SIPA1L3: variants seen among roughly 807,000 people sequenced by gnomAD.
SIPA1L3 encodes signal-induced proliferation-associated 1-like protein 3.
Under a neutral mutation model 150.1 loss-of-function variants are expected in SIPA1L3, and 59 were observed. The observed-to-expected ratio is 0.39, with a 90% CI of 0.32 to 0.49. SIPA1L3 has a LOEUF of 0.49. SIPA1L3 is among the 20% of genes least tolerant of loss of function. The pLI is 0.86. For missense variants in SIPA1L3, 2,211 were observed against 2,489.5 expected, an observed-to-expected ratio of 0.89 and a Z score of 2.38; for synonymous variants, 1,070 against 1,077.6, an observed-to-expected ratio of 0.99 and a Z score of 0.14.
At chr19:38,072,531 C>T (rs117035214) in intron 2 of SIPA1L3, among the ~76,000 whole-genome samples, 53 of 152,348 alleles carry the variant, frequency 3.5e-4, no homozygotes, top group African/African-American at 9.4e-4. Flanking sequence ...CCCATGGTTA[C>T]GAGACAGCTG....
chr19:38,177,792 G>A lies in SIPA1L3; in HGVS notation c.4209-4727G>A, dbSNP rs529601025. Among the ~76,000 whole-genome samples, 19 of 152,254 alleles carry A rather than the reference G, an allele frequency of 1.2e-4. No homozygotes were observed. The East Asian group carries it at 1.9e-3, about 15-fold the overall frequency. Reference sequence around the variant, plus strand: ...TGTGATCCCAGCACCTTGGGAGGTCGAGGCAGGTGGATCACTTGAGGCCAG... The same window carrying A: ...TGTGATCCCAGCACCTTGGGAGGTCAAGGCAGGTGGATCACTTGAGGCCAG... On this transcript the variant is annotated intron_variant, in intron 15 of 21. Coordinates refer to ENST00000222345, the MANE Select transcript of SIPA1L3 (RefSeq NM_015073.3).
chr19:37,950,474 A>G (rs985086289), intron 1 of SIPA1L3, among the ~76,000 whole-genome samples: 1 of 152,146 alleles, frequency 6.6e-6, no homozygotes, highest in African/African-American at 2.4e-5. Context: ...CGTAGTAAGG[A>G]CAAGAAAGAG....
intron 2 of SIPA1L3, among the ~76,000 whole-genome samples, chr19:38,050,920 G>A (rs1969182381): frequency 6.6e-6 from 1 of 152,114 alleles, no homozygotes; most frequent in Admixed American, 6.6e-5. Context: ...TTAGCCCGGT[G>A]TGGTGGCACA....
chr19:38,142,835 G>T, intron 12 of SIPA1L3, 125 bp downstream of exon 12: 1 of 1,220,232 alleles, frequency 8.2e-7, no homozygotes, highest in Non-Finnish European at 1.1e-6. Context: ...ACCCCTGAAG[G>T]TCCTCAGAGG....
chr19:37,944,993 T>G (rs1375008919), intron 1 of SIPA1L3, among the ~76,000 whole-genome samples: 1 of 152,132 alleles, frequency 6.6e-6, no homozygotes, highest in Non-Finnish European at 1.5e-5. Flanking sequence ...CACCTCACCT[T>G]TCAAACATCA....
intron 1 of SIPA1L3, among the ~76,000 whole-genome samples, chr19:37,979,167 T>C (rs908011617): frequency 2.0e-5 from 3 of 152,136 alleles, no homozygotes; most frequent in Non-Finnish European, 4.4e-5. Context: ...TGCCTGTTTT[T>C]GTATGGCCAG....
intron 1 of SIPA1L3, among the ~76,000 whole-genome samples, chr19:38,015,697 C>T (rs996604522): frequency 2.2e-5 from 3 of 137,712 alleles, no homozygotes; most frequent in Non-Finnish European, 4.6e-5. Flanking sequence ...GCTCTCCAGC[C>T]TGGGTGACAG....
At chr19:37,999,462 G>A (rs865919008) in intron 1 of SIPA1L3, among the ~76,000 whole-genome samples, 2 of 152,150 alleles carry the variant, frequency 1.3e-5, no homozygotes, top group South Asian at 4.1e-4. Flanking sequence ...ACAGGCAACC[G>A]CCCCAGCCTT....
intron 1 of SIPA1L3, among the ~76,000 whole-genome samples, chr19:37,934,114 G>C (rs190387202): frequency 6.6e-6 from 1 of 152,090 alleles, no homozygotes; most frequent in African/African-American, 2.4e-5. Flanking sequence ...TAGCTGACAC[G>C]TCCTCATCTA....
intron 2 of SIPA1L3, among the ~76,000 whole-genome samples, chr19:38,072,590 A>G (rs1259048780): frequency 3.3e-5 from 5 of 152,200 alleles, no homozygotes; most frequent in Admixed American, 3.3e-4. Context: ...TAAAGGGAAA[A>G]GCGCAGCCTT....
intron 2 of SIPA1L3, among the ~76,000 whole-genome samples, chr19:38,029,493 T>G (rs1968595756): frequency 6.6e-6 from 1 of 152,264 alleles, no homozygotes; most frequent in African/African-American, 2.4e-5. Context: ...TCTTTGCTCA[T>G]GAGCATACCT....
chr19:37,980,213 C>G (rs1035151114), intron 1 of SIPA1L3, among the ~76,000 whole-genome samples: 3 of 152,248 alleles, frequency 2.0e-5, no homozygotes, highest in Non-Finnish European at 4.4e-5. Context: ...CTGTCCTCCA[C>G]TCCTCTCCCT....
At chr19:37,983,723 T>A (rs1246310068) in intron 1 of SIPA1L3, among the ~76,000 whole-genome samples, 2 of 151,862 alleles carry the variant, frequency 1.3e-5, no homozygotes, top group Non-Finnish European at 2.9e-5. Context: ...CTGGGCAACA[T>A]GGTGAAACCC....
At chr19:38,157,628 C>A (rs764352984) in intron 13 of SIPA1L3, among the ~76,000 whole-genome samples, 2 of 152,174 alleles carry the variant, frequency 1.3e-5, no homozygotes, top group Admixed American at 6.5e-5. Flanking sequence ...TCACGCTGTC[C>A]CCTGCCCAGC....
intron 21 of SIPA1L3, among the ~76,000 whole-genome samples, chr19:38,204,462 A>C (rs751768171): frequency 2.6e-4 from 39 of 152,206 alleles, no homozygotes; most frequent in Non-Finnish European, 4.6e-4. Flanking sequence ...AACATTTATC[A>C]AAAAAACACA....
In SIPA1L3 at chr19:38,017,048, G is replaced by A. The variant is rs182809512; in HGVS notation, c.-378-12041G>A. ...AGTAGCTGAGATTACAGGGGCACAC[G>A]ATCACACCTGGCTAATTTTTCCATT... On this transcript the variant is annotated intron_variant, in intron 1 of 21. Coordinates refer to ENST00000222345, the MANE Select transcript of SIPA1L3 (RefSeq NM_015073.3). Among the ~76,000 whole-genome samples, 483 of 150,044 alleles carry A rather than the reference G, an allele frequency of 3.2e-3. 4 individuals carry two copies. Among genetic ancestry groups the A allele is most frequent in the Admixed American group, 0.011 (158 of 15,046 alleles).
At position 38,164,970 on chromosome 19, in the gene SIPA1L3, T is replaced by C. The variant is rs1972179296; in HGVS notation, c.4208+64T>C. 4 of 1,414,654 alleles carry C rather than the reference T, an allele frequency of 2.8e-6. No homozygotes were observed. Among genetic ancestry groups the C allele is most frequent in the Non-Finnish European group, 3.8e-6 (4 of 1,066,342 alleles). The allele number at this position is 1,414,654 out of a possible 1,614,324, so 87.6% of individuals were successfully genotyped here. A position where few individuals can be genotyped will look rare whatever the true frequency, so the allele number is the denominator to read the frequency against. On this transcript the variant is annotated intron_variant, in intron 15 of 21. Transcript: ENST00000222345. This position sits in a 1 kb window ranked among gnomAD's most constrained non-coding sequence, Gnocchi z 4.1. The stretch of plus-strand genomic sequence containing the variant: ...CACTTCGCCAGTTCTACTTTTACGG[T>C]CCTGATGGTGGGGTTCTCCTCCCCA...
At chr19:38,014,611 GGT>G (rs1450211410) in intron 1 of SIPA1L3, among the ~76,000 whole-genome samples, 2 of 145,584 alleles carry the variant, frequency 1.4e-5, no homozygotes, top group Non-Finnish European at 3.0e-5. Context: ...GGAGTGCAGT[GGT>G]ACAATCATAG....
In SIPA1L3 at chr19:38,164,917, G is replaced by A; in HGVS notation, c.4208+11G>A. On this transcript the variant is annotated intron_variant, in intron 15 of 21. Transcript: ENST00000222345. The surrounding 1 kb of genome is among the most constrained non-coding windows in gnomAD (Gnocchi z 4.1). ...ACCGAGGCAGCCCAGGTAAGCTGTT[G>A]CACCTAGTCTGGGTTCTAACCACCT... The A allele has an allele frequency of 1.3e-6, 2 of 1,522,476 alleles. No homozygotes were observed. The highest frequency in any genetic ancestry group is 1.8e-6 in the Non-Finnish European group (2 of 1,135,664). The allele number at this position is 1,522,476 out of a possible 1,614,324, so 94.3% of individuals were successfully genotyped here. A position where few individuals can be genotyped will look rare whatever the true frequency, so the allele number is the denominator to read the frequency against.
Sources: allele counts gnomAD v4.1 joint callset (sites outside exome capture counted in the v4.1 genomes callset), GRCh38; gene constraint gnomAD v4.1.1; non-coding constraint Gnocchi (gnomAD v3.1); transcripts MANE v1.5; gene names NCBI Gene and HGNC (gene_info 2026-07-23, HGNC 2026-07-21).